Variants in IARS1 observed in about 807,000 individuals in gnomAD.
IARS1 encodes the protein isoleucine--tRNA ligase, cytoplasmic.
A neutral mutation model predicts 168.2 loss-of-function variants in IARS1; 124 were observed. The observed-to-expected ratio is 0.74, with a 90% CI of 0.64 to 0.86. The LOEUF (loss-of-function observed/expected upper bound fraction) is 0.86, where lower values mean the gene tolerates loss of function less well. IARS1 is among the 40% of genes least tolerant of loss of function. The probability of loss-of-function intolerance (pLI) is 0.00; values close to 1 mark genes in which losing one functional copy is unlikely to be tolerated. For synonymous variants in IARS1, 532 were observed against 529.4 expected, an observed-to-expected ratio of 1.00 and a Z score of -0.07; for missense variants, 1,452 against 1,515.8, an observed-to-expected ratio of 0.96 and a Z score of 0.70.
chr9:92,286,345 C>G (rs748921085), intron 5 of IARS1, among the ~76,000 whole-genome samples, 191 bp downstream of exon 5: 4 of 152,142 alleles, frequency 2.6e-5, no homozygotes, highest in Admixed American at 6.5e-5. Context: ...CCAGCCTGGG[C>G]AACTGAGCGA....
At chr9:92,225,527 ATGAAG>A (rs1297763831) in intron 31 of IARS1, among the ~76,000 whole-genome samples, 4 of 152,118 alleles carry the variant, frequency 2.6e-5, no homozygotes, top group Admixed American at 2.6e-4. Flanking sequence ...GTTTTGGGTA[ATGAAG>A]TTAGCATCTT....
Position 92,223,313 on chromosome 9 carries a change from C to G in IARS1, c.3553+33G>C, listed in dbSNP as rs200405574. 2.5e-6 allele frequency: 4 copies of G among 1,579,766 alleles called. No homozygotes were observed. The East Asian group carries it at 9.0e-5, about 36-fold the overall frequency. On this transcript the variant is annotated intron_variant, in intron 32 of 33. Transcript: ENST00000443024. ...TAAAGACAACTTCAATGCCCAGCAC[C>G]CCACAGTCTGCCTGCTGTGGGGAGG... is the stretch of plus-strand genomic sequence containing the variant.
Position 92,243,259 on chromosome 9 carries a change from A to G in IARS1, c.2957T>C (p.Met986Thr). ...TPDQSMVDEG[M>T]AREVINRIQK... ...TATGCGATTGATGACTTCCCGAGCCATTCCTTCATCTACCATTGACTGGTC... is the reference window on the plus strand; with the variant it reads ...TATGCGATTGATGACTTCCCGAGCCGTTCCTTCATCTACCATTGACTGGTC... The change falls in exon 28 of 34, where the codon ATG becomes ACG. Residue 986 changes from methionine (M) to threonine (T), a missense_variant. Transcript: ENST00000443024. 6.2e-7 allele frequency: 1 copy of G among 1,613,800 alleles called. No homozygotes were observed. The highest frequency in any genetic ancestry group is 1.7e-4 in the Middle Eastern group (1 of 6,056).
At chr9:92,229,321 TATATATAC>T (rs975323989) in intron 30 of IARS1, among the ~76,000 whole-genome samples, 195 bp from the exon 31 acceptor site, 6 of 150,814 alleles carry the variant, frequency 4.0e-5, no homozygotes, top group Admixed American at 3.3e-4. Flanking sequence ...TATATATACA[TATATATAC>T]ATATATAGTG....
chr9:92,256,558 G>A, intron 20 of IARS1, 122 bp downstream of exon 20: 1 of 1,043,502 alleles, frequency 9.6e-7, no homozygotes, highest in Non-Finnish European at 1.4e-6. Flanking sequence ...CTATATGAGA[G>A]GTAAAAGGAA....
At chr9:92,265,444 G>A (rs765475363) in intron 15 of IARS1, 36 bp downstream of exon 15, 52 of 1,572,756 alleles carry the variant, frequency 3.3e-5, no homozygotes, top group African/African-American at 2.3e-4. Context: ...TAGGAGAATC[G>A]TAAAACTGAA....
chr9:92,262,678 G>A (rs1369374503), intron 17 of IARS1, among the ~76,000 whole-genome samples: 3 of 152,178 alleles, frequency 2.0e-5, no homozygotes, highest in African/African-American at 7.2e-5. Flanking sequence ...CTGATGTACA[G>A]ATTAAATAAG....
intron 18 of IARS1, 66 bp from the exon 19 acceptor site, chr9:92,259,064 C>T (rs1429827283): frequency 1.5e-6 from 2 of 1,363,058 alleles, no homozygotes; most frequent in African/African-American, 2.9e-5. Flanking sequence ...TACTACTCGA[C>T]ATATTGAGAG....
intron 29 of IARS1, among the ~76,000 whole-genome samples, chr9:92,241,491 G>A (rs1457261173): frequency 6.6e-5 from 10 of 152,022 alleles, no homozygotes; most frequent in Admixed American, 2.6e-4. Flanking sequence ...GATTACAGGC[G>A]TGTACCACCA....
intron 27 of IARS1, among the ~76,000 whole-genome samples, chr9:92,244,311 G>A (rs1053407940): frequency 2.0e-5 from 3 of 152,082 alleles, no homozygotes; most frequent in Admixed American, 6.6e-5. Context: ...TAACTTAAGC[G>A]CCTGGGTAAA....
intron 30 of IARS1, chr9:92,240,557 G>A: frequency 3.1e-6 from 2 of 639,600 alleles, no homozygotes; most frequent in Non-Finnish European, 5.7e-6. Flanking sequence ...ACCATGCCTG[G>A]CCCTTTTTTT....
intron 30 of IARS1, among the ~76,000 whole-genome samples, chr9:92,239,393 C>A (rs918464652): frequency 5.9e-5 from 9 of 152,148 alleles, no homozygotes; most frequent in Admixed American, 5.9e-4. Context: ...CTCTGTAGTT[C>A]CTGATGAAAA....
intron 20 of IARS1, chr9:92,253,795 G>T: frequency 2.0e-6 from 1 of 496,598 alleles, no homozygotes. Context: ...ACGGAGCTGT[G>T]CAATTTGACA....
At chr9:92,242,506 C>T in intron 28 of IARS1, 176 bp from the exon 29 acceptor site, 2 of 574,702 alleles carry the variant, frequency 3.5e-6, no homozygotes, top group Non-Finnish European at 6.1e-6. Flanking sequence ...ACATGATTAA[C>T]TTTGTGTCTT....
intron 30 of IARS1, among the ~76,000 whole-genome samples, chr9:92,230,072 AACCTT>A (rs1826421518): frequency 1.3e-5 from 2 of 151,844 alleles, no homozygotes; most frequent in African/African-American, 2.4e-5. Context: ...TACAGTATGG[AACCTT>A]TTGGGACTTT....
Position 92,243,201 on chromosome 9 carries a change from A to T in IARS1, c.3000+15T>A. On this transcript the variant is annotated intron_variant, in intron 28 of 33. Coordinates refer to ENST00000443024, the MANE Select transcript of IARS1 (RefSeq NM_002161.6). The stretch of plus-strand genomic sequence containing the variant: ...AAAGCCAAAACAGTAGCTTATTCTT[A>T]ACTGACAAACTAACCTTTTTGCGAA... 6.2e-7 allele frequency: 1 copy of T among 1,602,140 alleles called. No individual in the cohort carries two copies. The highest frequency in any genetic ancestry group is 8.6e-7 in the Non-Finnish European group (1 of 1,169,386).
At chr9:92,255,866 GAA>G (rs1830642791) in intron 20 of IARS1, among the ~76,000 whole-genome samples, 1 of 152,064 alleles carries the variant, frequency 6.6e-6, no homozygotes, top group Non-Finnish European at 1.5e-5. Flanking sequence ...TTAAAAACAA[GAA>G]AAAGGGTATA....
At chr9:92,256,931 T>C in intron 19 of IARS1, 131 bp from the exon 20 acceptor site, 1 of 775,910 alleles carries the variant, frequency 1.3e-6, no homozygotes, top group Non-Finnish European at 1.9e-6. Flanking sequence ...TGTGAATTTC[T>C]GATTTTCAGC....
chr9:92,276,098 AC>A (rs764846186), intron 9 of IARS1, among the ~76,000 whole-genome samples: 4 of 152,218 alleles, frequency 2.6e-5, no homozygotes, highest in Non-Finnish European at 4.4e-5. Flanking sequence ...AAAAAATACA[AC>A]ATAAAACAAA....
Sources: gnomAD v4.1 joint callset for allele counts (sites outside exome capture counted in the v4.1 genomes callset) on GRCh38, gnomAD v4.1.1 for gene constraint, MANE v1.5 for transcripts, NCBI Gene and HGNC (gene_info 2026-07-23, HGNC 2026-07-21) for gene names.